Variants in MED9 observed in about 807,000 individuals in gnomAD.
MED9 encodes the protein mediator complex subunit 9.
In MED9, 8 loss-of-function variants were observed where a neutral mutation model predicts 13.2. The ratio of observed to expected loss-of-function variants is 0.61; its 90% CI spans 0.36 to 1.10. MED9 has a LOEUF of 1.10. Ranked by LOEUF, MED9 falls within the 50% of genes least tolerant of loss-of-function variation. The pLI, the probability that MED9 is intolerant of heterozygous loss-of-function variation, is 0.02. For missense variants in MED9, 180 were observed against 193.4 expected, an observed-to-expected ratio of 0.93 and a Z score of 0.41; for synonymous variants, 87 against 82.8, an observed-to-expected ratio of 1.05 and a Z score of -0.28.
intron 1 of MED9, chr17:17,487,175 T>G (rs1187575564): frequency 2.6e-5 from 4 of 152,218 alleles, no homozygotes; most frequent in Non-Finnish European, 5.9e-5. Flanking sequence ...AACCTTTGTA[T>G]CTAGCTCAGG....
chr17:17,482,864 C>T (rs144353216), intron 1 of MED9, among the ~76,000 whole-genome samples: 1 of 152,352 alleles, frequency 6.6e-6, no homozygotes, highest in East Asian at 1.9e-4. Context: ...TCCCTGCTTG[C>T]AGTGCCACCT....
rs1295887613 is a variant in MED9 at position 17,477,195 on chromosome 17, C to G, written c.154C>G (p.Gln52Glu). Residue 52 changes from glutamine to glutamate, a missense_variant, in exon 1 of 2, where the codon CAG becomes GAG. Physicochemically the swap from Gln to Glu is conservative, Grantham distance 29 (BLOSUM62 2). Transcript: ENST00000268711. ...QPQQSPAPRP[Q>E]SPARAREEEN... ...GCAGCAGTCGCCGGCGCCACGGCCTCAGTCACCTGCCCGCGCGAGGGAGGA... is the reference window on the plus strand; with the variant it reads ...GCAGCAGTCGCCGGCGCCACGGCCTGAGTCACCTGCCCGCGCGAGGGAGGA... 2 of 1,610,776 alleles carry G rather than the reference C, an allele frequency of 1.2e-6. No individual in the cohort carries two copies. The highest frequency in any genetic ancestry group is 2.2e-5 in the South Asian group (2 of 90,836).
chr17:17,490,066 C>T lies in MED9; in HGVS notation c.225-1213C>T, dbSNP rs1214960347. 3.3e-5 allele frequency among the ~76,000 whole-genome samples: 5 copies of T among 152,220 alleles called. No individual in the cohort carries two copies. The South Asian group carries it at 8.3e-4, about 25-fold the overall frequency. On this transcript the variant is annotated intron_variant, in intron 1 of 1. Coordinates refer to ENST00000268711, the MANE Select transcript of MED9 (RefSeq NM_018019.3). ...ATGCCTCAATGGCTTACTTTCAGAA[C>T]AGCTTACTGAATTGCCTTTTAGTTT...
At chr17:17,489,672 G>A (rs776599535) in intron 1 of MED9, among the ~76,000 whole-genome samples, 37 of 152,180 alleles carry the variant, frequency 2.4e-4, no homozygotes, top group Non-Finnish European at 5.0e-4. Flanking sequence ...TCCTTCCAAA[G>A]GATTTTTAGT....
chr17:17,491,893 C>A lies in MED9; in HGVS notation c.*398C>A, dbSNP rs565070766. On this transcript the variant is annotated 3_prime_UTR_variant, in exon 2 of 2. Transcript: ENST00000268711. ...CTCCTCTTTGCTTCCTTCCCTCTCT[C>A]TCCTCCCACCCCCATAGGATCAGTG... 2 of 286,756 alleles carry A rather than the reference C, an allele frequency of 7.0e-6. No individual in the cohort carries two copies. Among genetic ancestry groups the A allele is most frequent in the Non-Finnish European group, 1.4e-5 (2 of 146,782 alleles). The allele number at this position is 286,756 out of a possible 1,614,324, so 17.8% of individuals were successfully genotyped here. A position where few individuals can be genotyped will look rare whatever the true frequency, so the allele number is the denominator to read the frequency against.
intron 1 of MED9, 65 bp from the exon 2 acceptor site, chr17:17,491,214 T>C (rs1039635940): frequency 1.4e-6 from 2 of 1,413,276 alleles, no homozygotes; most frequent in Admixed American, 1.8e-5. Context: ...CTCTAGGGGG[T>C]GCAGGGCAGG....
intron 1 of MED9, among the ~76,000 whole-genome samples, chr17:17,478,805 C>A (rs984419493): frequency 6.6e-6 from 1 of 150,920 alleles, no homozygotes. Context: ...TGCAGTGAGC[C>A]GAGATCATGC....
Position 17,491,769 on chromosome 17 carries a change from A to T in MED9, c.*274A>T, listed in dbSNP as rs1218134783. ...AAGTCAGAATGCTCCTGGAGGCTGC[A>T]GAGGGGGTGGAGGACTCTCCCCTGC... On this transcript the variant is annotated 3_prime_UTR_variant, in exon 2 of 2. Coordinates refer to ENST00000268711, the MANE Select transcript of MED9 (RefSeq NM_018019.3). The T allele has an allele frequency of 4.5e-6, 2 of 441,706 alleles. No individual in the cohort carries two copies. The highest frequency in any genetic ancestry group is 6.9e-5 in the Admixed American group (2 of 28,802). The allele number at this position is 441,706 out of a possible 1,614,324, so 27.4% of individuals were successfully genotyped here. A position where few individuals can be genotyped will look rare whatever the true frequency, so the allele number is the denominator to read the frequency against.
In MED9 at chr17:17,491,314, T is replaced by C. The variant is rs754810519; in HGVS notation, c.260T>C (p.Leu87Pro). 1.9e-6 allele frequency: 3 copies of C among 1,613,922 alleles called. No individual in the cohort carries two copies. Among genetic ancestry groups the C allele is most frequent in the Admixed American group, 1.7e-5 (1 of 60,020 alleles). ...GACAGCCCGGAGGTCCACCAGGACCTGAACGCCCTCAAAAGCAAGTTCCAG... is the reference window on the plus strand; with the variant it reads ...GACAGCCCGGAGGTCCACCAGGACCCGAACGCCCTCAAAAGCAAGTTCCAG... ...DKDSPEVHQD[L>P]NALKSKFQEM... Residue 87 changes from leucine to proline, a missense_variant, in exon 2 of 2, where the codon CTG (leucine) becomes CCG (proline). Transcript: ENST00000268711.
At chr17:17,489,964 C>T (rs1050133218) in intron 1 of MED9, among the ~76,000 whole-genome samples, 5 of 152,208 alleles carry the variant, frequency 3.3e-5, no homozygotes, top group Non-Finnish European at 7.3e-5. Flanking sequence ...GAATTAGCAC[C>T]ATCTGGGTTG....
rs183553240 is a variant in MED9, at chr17:17,487,173, T to C, written c.225-4106T>C. On this transcript the variant is annotated intron_variant, in intron 1 of 1. Coordinates refer to ENST00000268711, the MANE Select transcript of MED9 (RefSeq NM_018019.3). Reference sequence around the variant, plus strand: ...CTGATGGGGACGGGGAGAACCTTTGTATCTAGCTCAGGGATTGTAAATGCA... The same window carrying C: ...CTGATGGGGACGGGGAGAACCTTTGCATCTAGCTCAGGGATTGTAAATGCA... The C allele has an allele frequency of 2.6e-5, 4 of 152,388 alleles. No individual in the cohort carries two copies. In the East Asian group the frequency reaches 7.7e-4, roughly 29 times the overall value. The allele number at this position is 152,388 out of a possible 1,614,324, so 9.4% of individuals were successfully genotyped here.
At chr17:17,487,920 G>C (rs1905166341) in intron 1 of MED9, 1 of 152,238 alleles carries the variant, frequency 6.6e-6, no homozygotes, top group East Asian at 1.9e-4. Flanking sequence ...AAAAGTTTGT[G>C]TGTTTTGTAT....
In MED9 at chr17:17,477,224, G is replaced by T. The variant is rs1179631578; in HGVS notation, c.183G>T (p.Glu61Asp). 3 of 1,609,336 alleles carry T rather than the reference G, an allele frequency of 1.9e-6. No homozygotes were observed. Among genetic ancestry groups the T allele is most frequent in the African/African-American group, 2.7e-5 (2 of 74,750 alleles). Residue 61 changes from glutamate to aspartate, a missense_variant, in exon 1 of 2, where the codon GAG (glutamate) becomes GAT (aspartate). Transcript: ENST00000268711. ...CACCTGCCCGCGCGAGGGAGGAAGA[G>T]AACTACTCCTTTTTACCTTTGGTTC... Reference protein sequence around the residue: ...PQSPARAREEENYSFLPLVHN... With the variant: ...PQSPARAREEDNYSFLPLVHN...
intron 1 of MED9, chr17:17,488,403 A>T (rs755444999): frequency 1.3e-5 from 2 of 152,284 alleles, no homozygotes; most frequent in Non-Finnish European, 2.9e-5. Flanking sequence ...TCAGGGCATG[A>T]TTCTCAGACA....
chr17:17,487,865 A>G (rs527657152), intron 1 of MED9: 1 of 152,422 alleles, frequency 6.6e-6, no homozygotes, highest in East Asian at 1.9e-4. Flanking sequence ...AGAAAAAGCA[A>G]GAATGAGAAC....
In MED9 at chr17:17,477,110, G is replaced by T; in HGVS notation, c.69G>T (p.Pro23=). The T allele has an allele frequency of 6.2e-7, 1 of 1,606,678 alleles. No individual in the cohort carries two copies. The highest frequency in any genetic ancestry group is 8.5e-7 in the Non-Finnish European group (1 of 1,178,650). ...EDVLPPTSDQ[P]LPDTKPLPPP... The stretch of plus-strand genomic sequence containing the variant: ...TATTGCCGCCAACGTCCGACCAGCC[G>T]CTGCCTGACACCAAGCCGCTGCCGC... The change falls in exon 1 of 2, where the codon CCG becomes CCT. Residue 23 remains proline (P), a synonymous_variant. Transcript: ENST00000268711.
Position 17,491,600 on chromosome 17 carries a change from C to A in MED9, c.*105C>A. ...GTGGTTCCTGTGGACCCCAGCTCAG[C>A]TCGTCAAGCTGCAGGGGCGGGGCTC... On this transcript the variant is annotated 3_prime_UTR_variant, in exon 2 of 2. Coordinates refer to ENST00000268711, the MANE Select transcript of MED9 (RefSeq NM_018019.3). 1.8e-6 allele frequency: 2 copies of A among 1,102,564 alleles called. No homozygotes were observed. Among genetic ancestry groups the A allele is most frequent in the Admixed American group, 2.0e-5 (1 of 48,886 alleles). 68.3% of individuals were successfully genotyped at this position (1,102,564 alleles called of 1,614,324 possible). A position where few individuals can be genotyped will look rare whatever the true frequency, so the allele number is the denominator to read the frequency against.
intron 1 of MED9, among the ~76,000 whole-genome samples, chr17:17,479,919 A>ATCCCCAGATCTCAGGAACT (rs1262289648): frequency 6.6e-6 from 1 of 152,216 alleles, no homozygotes; most frequent in Non-Finnish European, 1.5e-5. Context: ...ACCATGGCCT[A>ATCCCCAGATCTCAGGAACT]TCCCCAGATC....
At chr17:17,478,726 G>A (rs1904972401) in intron 1 of MED9, among the ~76,000 whole-genome samples, 1 of 152,070 alleles carries the variant, frequency 6.6e-6, no homozygotes, top group East Asian at 1.9e-4. Context: ...GTGTGGTGGC[G>A]GCTGCCTGTA....
Sources: gnomAD v4.1 joint callset for allele counts (sites outside exome capture counted in the v4.1 genomes callset) on GRCh38, gnomAD v4.1.1 for gene constraint, MANE v1.5 for transcripts, NCBI Gene and HGNC (gene_info 2026-07-23, HGNC 2026-07-21) for gene names.